FANCA: variants seen among roughly 807,000 people sequenced by gnomAD.
The protein encoded by FANCA is Fanconi anemia group A protein.
Under a neutral mutation model 194.3 loss-of-function variants are expected in FANCA, and 236 were observed. The observed-to-expected ratio is 1.21, with a 90% CI of 1.09 to 1.35. FANCA has a LOEUF of 1.35. FANCA is among the 40% of genes most tolerant of loss of function. FANCA has a pLI of 0.00. For synonymous variants in FANCA, 1,014 were observed against 715.8 expected, an observed-to-expected ratio of 1.42 and a Z score of -6.65; for missense variants, 2,628 against 1,813.9, an observed-to-expected ratio of 1.45 and a Z score of -8.15.
chr16:89,783,247 C>A (rs1032497152), intron 15 of FANCA, 145 bp from the exon 16 acceptor site: 1 of 714,730 alleles, frequency 1.4e-6, no homozygotes, highest in Middle Eastern at 3.7e-4. Flanking sequence ...GCAAAGCAAA[C>A]CATTAGTAAA....
rs773251406 is a variant in FANCA, at chr16:89,770,186, A to C, written c.2296T>G (p.Cys766Gly). Residue 766 changes from cysteine (C) to glycine (G), a missense_variant, in exon 25 of 43, where the codon TGC becomes GGC. Transcript: ENST00000389301. ...RVLPAVLTRL[C>G]QLLRHQGPSL... ...CTCACCTGGTGACGGAGCAGCTGGC[A>C]GAGCCGGGTGAGCACTGCAGGGAGC... 4 of 1,592,846 alleles carry C rather than the reference A, an allele frequency of 2.5e-6. No individual in the cohort carries two copies. The highest frequency in any genetic ancestry group is 2.6e-6 in the Non-Finnish European group (3 of 1,170,242).
At chr16:89,743,592 G>A (rs1008840640) in intron 36 of FANCA, among the ~76,000 whole-genome samples, 1 of 152,196 alleles carries the variant, frequency 6.6e-6, no homozygotes, top group Admixed American at 6.5e-5. Flanking sequence ...GGGAGGCTGA[G>A]GCAGGCAGAT....
rs2040767057 is a variant in FANCA, at chr16:89,808,897, T to C, written c.523-530A>G. ...CTGCAGCCTCCCCTTCTCATCCCCCTAACTCACACTCTATTTTTTTTTTTT... is the reference window on the plus strand; with the variant it reads ...CTGCAGCCTCCCCTTCTCATCCCCCCAACTCACACTCTATTTTTTTTTTTT... On this transcript the variant is annotated intron_variant, in intron 5 of 42. Coordinates refer to ENST00000389301, the MANE Select transcript of FANCA (RefSeq NM_000135.4). Among the ~76,000 whole-genome samples the C allele has an allele frequency of 1.3e-5, 2 of 151,316 alleles. 1 individual carries two copies. Among genetic ancestry groups the C allele is most frequent in the South Asian group, 4.2e-4 (2 of 4,776 alleles).
intron 8 of FANCA, among the ~76,000 whole-genome samples, chr16:89,802,705 C>G (rs1340409936): frequency 6.6e-6 from 1 of 152,076 alleles, no homozygotes; most frequent in African/African-American, 2.4e-5. Flanking sequence ...GCCCGGCCAG[C>G]TATTCTTTTT....
intron 40 of FANCA, 77 bp downstream of exon 40, chr16:89,739,401 T>C: frequency 1.9e-6 from 3 of 1,568,212 alleles, no homozygotes; most frequent in Admixed American, 1.9e-5. Context: ...CCTTCCCATC[T>C]GGCGGGACCC....
rs145645001 is a variant in FANCA at position 89,804,285 on chromosome 16, CCAG to C, written c.710-947_710-945del. ...TGTCACTTGTAGTGGGATGGGTCTC[CCAG>C]CAGGTGTTCCTCAGAACCCAAATAT... On this transcript the variant is annotated intron_variant, in intron 7 of 42. Transcript: ENST00000389301. Among the ~76,000 whole-genome samples the C allele has an allele frequency of 5.5e-3, 835 of 152,158 alleles. 6 individuals carry two copies. Among genetic ancestry groups the C allele is most frequent in the African/African-American group, 0.019 (805 of 41,524 alleles).
At chr16:89,773,410 T>C (rs933682920) in intron 21 of FANCA, 26 bp from the exon 22 acceptor site, 2 of 1,488,898 alleles carry the variant, frequency 1.3e-6, no homozygotes, top group Admixed American at 2.0e-5. Context: ...AGAAACCAGA[T>C]GGAAAGACAC....
intron 22 of FANCA, among the ~76,000 whole-genome samples, chr16:89,772,045 C>G (rs1290150151): frequency 6.6e-6 from 1 of 152,182 alleles, no homozygotes; most frequent in African/African-American, 2.4e-5. Context: ...CTACCTTTTC[C>G]TGATTGGCTG....
At chr16:89,790,031 G>C (rs8058009) in intron 14 of FANCA, among the ~76,000 whole-genome samples, 18,794 of 152,090 alleles carry the variant, frequency 0.12, 1,511 homozygotes, top group Middle Eastern at 0.3. Flanking sequence ...AGCACACTGT[G>C]TGTGTTCCAA....
At position 89,782,992 on chromosome 16, in the gene FANCA, G is replaced by C; in HGVS notation, c.1566+15C>G. 1 of 1,613,178 alleles carries C rather than the reference G, an allele frequency of 6.2e-7. No individual in the cohort carries two copies. Among genetic ancestry groups the C allele is most frequent in the Non-Finnish European group, 8.5e-7 (1 of 1,179,104 alleles). ...TGGGACAGGTGTGAGGAGTGGGCAT[G>C]GAGGGACAGCTTGCCTTGAGGTCGG... is the stretch of plus-strand genomic sequence containing the variant. On this transcript the variant is annotated intron_variant, in intron 16 of 42. Transcript: ENST00000389301.
At chr16:89,775,596 G>T (rs1304401491) in intron 21 of FANCA, 146 bp downstream of exon 21, 2 of 685,828 alleles carry the variant, frequency 2.9e-6, no homozygotes, top group Admixed American at 2.1e-5. Flanking sequence ...CGTCAGCATG[G>T]TGGGCGGACC....
chr16:89,793,878 G>A (rs2040158723), intron 11 of FANCA, among the ~76,000 whole-genome samples: 1 of 152,150 alleles, frequency 6.6e-6, no homozygotes, highest in African/African-American at 2.4e-5. Context: ...AGCCTCCCGA[G>A]TAGCTGGGAC....
Position 89,761,934 on chromosome 16 carries a change from C to G in FANCA, c.2852+15G>C, listed in dbSNP as rs1439583347. On this transcript the variant is annotated intron_variant, in intron 29 of 42. Coordinates refer to ENST00000389301, the MANE Select transcript of FANCA (RefSeq NM_000135.4). The stretch of plus-strand genomic sequence containing the variant: ...GCCATCATGCCTGGCCAGGGTAGCT[C>G]TTTTCAACACTTACCGTTCAGTATC... 1 of 1,611,430 alleles carries G rather than the reference C, an allele frequency of 6.2e-7. No homozygotes were observed. The highest frequency in any genetic ancestry group is 1.3e-5 in the African/African-American group (1 of 74,984).
chr16:89,742,840 ATGTTT>A lies in FANCA; in HGVS notation c.3720_3724del (p.Glu1240AspfsTer36), dbSNP rs794726660. On this transcript the variant is annotated frameshift_variant, in exon 37 of 43. Coordinates refer to ENST00000389301, the MANE Select transcript of FANCA (RefSeq NM_000135.4). LOFTEE classifies it high-confidence loss of function. ...GTCCAGCTTCTTTAGCTGCTTCCTG[ATGTTT>A]TCTTCCCTGACTTGTTGAATCGCAA... 2 of 1,614,028 alleles carry A rather than the reference ATGTTT, an allele frequency of 1.2e-6. No individual in the cohort carries two copies. Among genetic ancestry groups the A allele is most frequent in the East Asian group, 2.2e-5 (1 of 44,880 alleles).
At position 89,758,647 on chromosome 16, in the gene FANCA, C is replaced by A. The variant is rs2038842371; in HGVS notation, c.2911G>T (p.Gly971Trp). 1 of 1,613,966 alleles carries A rather than the reference C, an allele frequency of 6.2e-7. No homozygotes were observed. Among genetic ancestry groups the A allele is most frequent in the Non-Finnish European group, 8.5e-7 (1 of 1,179,952 alleles). Residue 971 changes from glycine (G) to tryptophan (W), a missense_variant, in exon 30 of 43, where the codon GGG (glycine) becomes TGG (tryptophan). By Grantham distance (184) the Gly-to-Trp change is radical. Transcript: ENST00000389301. ...EHFLPESSASGGCDGDLQAAC... is the reference protein window; with the variant it reads ...EHFLPESSASWGCDGDLQAAC... ...GCCTGCAGGTCTCCGTCACAGCCCC[C>A]TGAAGCCGAGGACTCAGGGAGAAAG...
rs760732305 is a variant in FANCA at position 89,738,522 on chromosome 16, A to G, written c.*79T>C. On this transcript the variant is annotated 3_prime_UTR_variant, in exon 43 of 43. Coordinates refer to ENST00000389301, the MANE Select transcript of FANCA (RefSeq NM_000135.4). ...CGAGGAGATTTGTAATCCACTTTTT[A>G]GTGCAACAAGAGCTCCATGTTATGC... is the stretch of plus-strand genomic sequence containing the variant. The G allele has an allele frequency of 1.1e-5, 17 of 1,597,942 alleles. No individual in the cohort carries two copies. The South Asian group carries it at 1.9e-4, about 18-fold the overall frequency.
intron 31 of FANCA, 106 bp from the exon 32 acceptor site, chr16:89,750,008 G>C: frequency 8.5e-7 from 1 of 1,171,186 alleles, no homozygotes; most frequent in Non-Finnish European, 1.3e-6. Flanking sequence ...CAGTGGACAG[G>C]GCAAGAAGGA....
intron 39 of FANCA, 55 bp downstream of exon 39, chr16:89,739,939 A>G (rs7195906): frequency 6.2e-7 from 1 of 1,605,100 alleles, no homozygotes; most frequent in Non-Finnish European, 8.5e-7. Flanking sequence ...CATTTGCAAG[A>G]TGCCTCTGAA....
At chr16:89,811,613 TCTC>T (rs1201246222) in intron 3 of FANCA, among the ~76,000 whole-genome samples, 1 of 152,068 alleles carries the variant, frequency 6.6e-6, no homozygotes, top group Non-Finnish European at 1.5e-5. Flanking sequence ...CAGCCACCAT[TCTC>T]CTGAGCAACC....
Sources: allele counts gnomAD v4.1 joint callset (sites outside exome capture counted in the v4.1 genomes callset), GRCh38; gene constraint gnomAD v4.1.1; transcripts MANE v1.5; gene names NCBI Gene and HGNC (gene_info 2026-07-23, HGNC 2026-07-21).